Variants in RALGAPA1 observed in about 807,000 individuals in gnomAD.
The protein encoded by RALGAPA1 is ral GTPase-activating protein subunit alpha-1.
In RALGAPA1, 52 loss-of-function variants were observed where a neutral mutation model predicts 269.6. The ratio of observed to expected loss-of-function variants is 0.19; its 90% CI spans 0.15 to 0.24. RALGAPA1 has a LOEUF of 0.24. Among genes scored for constraint, RALGAPA1 ranks in the 10% least tolerant of loss-of-function variants. The pLI is 1.00. For synonymous variants in RALGAPA1, 817 were observed against 1,008.3 expected, an observed-to-expected ratio of 0.81 and a Z score of 3.60; for missense variants, 1,917 against 3,013.9, an observed-to-expected ratio of 0.64 and a Z score of 8.52.
intron 11 of RALGAPA1, among the ~76,000 whole-genome samples, chr14:35,741,951 A>G (rs2071591213): frequency 6.6e-6 from 1 of 152,232 alleles, no homozygotes; most frequent in South Asian, 2.1e-4. Context: ...GAGGGGGCAC[A>G]AACACTGTAG....
chr14:35,799,470 G>A (rs191516709), intron 1 of RALGAPA1, among the ~76,000 whole-genome samples: 739 of 151,712 alleles, frequency 4.9e-3, no homozygotes, highest in African/African-American at 0.016. Flanking sequence ...GCTGAGGCAG[G>A]AGAATCGCTC....
chr14:35,684,792 A>AC, intron 20 of RALGAPA1, 137 bp downstream of exon 20: 2 of 696,292 alleles, frequency 2.9e-6, no homozygotes, highest in South Asian at 2.4e-5. Flanking sequence ...CAAATATCTA[A>AC]TTTTTTTTTT....
At position 35,775,753 on chromosome 14, in the gene RALGAPA1, A is replaced by T. The variant is rs759916597; in HGVS notation, c.107-8T>A. ...CAATAGATTCTGCATTCTCTGAAAA[A>T]TAAAAAAAAATTACTGATTATTTAC... is the stretch of plus-strand genomic sequence containing the variant. On this transcript the variant is annotated splice_polypyrimidine_tract_variant and splice_region_variant and intron_variant, in intron 1 of 41. Transcript: ENST00000680220. The T allele has an allele frequency of 6.5e-7, 1 of 1,531,668 alleles. No homozygotes were observed. The highest frequency in any genetic ancestry group is 8.7e-7 in the Non-Finnish European group (1 of 1,148,064). The allele number at this position is 1,531,668 out of a possible 1,614,324, so 94.9% of individuals were successfully genotyped here. A position where few individuals can be genotyped will look rare whatever the true frequency, so the allele number is the denominator to read the frequency against.
chr14:35,785,251 T>C (rs1447426184), intron 1 of RALGAPA1, among the ~76,000 whole-genome samples: 1 of 152,186 alleles, frequency 6.6e-6, no homozygotes, highest in African/African-American at 2.4e-5. Context: ...ACAATGCAAA[T>C]ACTTTAAATT....
In RALGAPA1 at chr14:35,630,293, GTT is replaced by G. The variant is rs201991217; in HGVS notation, c.5996-2344_5996-2343del. On this transcript the variant is annotated intron_variant, in intron 33 of 41. Coordinates refer to ENST00000680220, the MANE Select transcript of RALGAPA1 (RefSeq NM_001346249.2). ...TAAACATTTCTTAGCTTATTTACTG[GTT>G]TTTTTTTTTTGGGACAGAGTCTTGC... Among the ~76,000 whole-genome samples the G allele has an allele frequency of 1.4e-4, 21 of 145,062 alleles. No individual in the cohort carries two copies. The South Asian group carries it at 4.3e-3, about 30-fold the overall frequency.
At chr14:35,557,416 G>A (rs1220290804) in intron 39 of RALGAPA1, among the ~76,000 whole-genome samples, 1 of 151,564 alleles carries the variant, frequency 6.6e-6, no homozygotes, top group Admixed American at 6.6e-5. Context: ...TATAATTATT[G>A]GGAATACAAA....
chr14:35,612,743 T>G (rs2060032180), intron 35 of RALGAPA1, among the ~76,000 whole-genome samples: 1 of 152,104 alleles, frequency 6.6e-6, no homozygotes, highest in African/African-American at 2.4e-5. Flanking sequence ...TTTCACCATG[T>G]TAGCCAGGAT....
At chr14:35,605,747 A>G in intron 35 of RALGAPA1, 38 bp from the exon 36 acceptor site, 2 of 1,589,288 alleles carry the variant, frequency 1.3e-6, no homozygotes, top group Non-Finnish European at 1.7e-6. Flanking sequence ...TTTAATCACT[A>G]TTTTATCTAC....
chr14:35,740,490 C>T lies in RALGAPA1; in HGVS notation c.1450-1840G>A, dbSNP rs115788641. ...TATTCTGTATGTCTTTCAAATGTCT[C>T]ACAGATGCTATGAGAATTTTAAAAG... On this transcript the variant is annotated intron_variant, in intron 11 of 41. Transcript: ENST00000680220. Among the ~76,000 whole-genome samples the T allele has an allele frequency of 4.8e-3, 732 of 152,302 alleles. 7 individuals carry two copies. Among genetic ancestry groups the T allele is most frequent in the African/African-American group, 0.016 (678 of 41,546 alleles).
chr14:35,808,715 C>G lies in RALGAPA1; in HGVS notation c.106+15G>C. ...GGCAACCCAGGCCTCGGCGCTGCCA[C>G]CCCTCGCTCCTCACCGATGACGATG... On this transcript the variant is annotated intron_variant, in intron 1 of 41. Transcript: ENST00000680220. 1 of 1,607,246 alleles carries G rather than the reference C, an allele frequency of 6.2e-7. No individual in the cohort carries two copies.
chr14:35,647,838 C>T (rs1302102490), intron 31 of RALGAPA1, among the ~76,000 whole-genome samples: 1 of 151,980 alleles, frequency 6.6e-6, no homozygotes, highest in Admixed American at 6.6e-5. Context: ...GCCCCAGCTA[C>T]TAGGGAGGCT....
At chr14:35,623,830 A>C (rs2060804563) in intron 35 of RALGAPA1, among the ~76,000 whole-genome samples, 1 of 152,238 alleles carries the variant, frequency 6.6e-6, no homozygotes, top group African/African-American at 2.4e-5. Flanking sequence ...CTGTAATCCC[A>C]GCACTTTGGG....
At chr14:35,587,419 C>T (rs937381116) in intron 37 of RALGAPA1, among the ~76,000 whole-genome samples, 23 of 152,126 alleles carry the variant, frequency 1.5e-4, no homozygotes, top group Non-Finnish European at 2.9e-4. Flanking sequence ...CACATGCATA[C>T]GTATGTCTAC....
At chr14:35,593,602 C>T (rs949876237) in intron 37 of RALGAPA1, among the ~76,000 whole-genome samples, 2 of 152,092 alleles carry the variant, frequency 1.3e-5, no homozygotes, top group Admixed American at 6.6e-5. Context: ...CAGTGGCTTA[C>T]ACCTATAATC....
At chr14:35,580,681 A>C (rs910269483) in intron 37 of RALGAPA1, among the ~76,000 whole-genome samples, 3 of 152,194 alleles carry the variant, frequency 2.0e-5, no homozygotes, top group African/African-American at 7.2e-5. Context: ...GAGAAAATAA[A>C]ATGTTTGAAA....
rs371586641 is a variant in RALGAPA1 at position 35,770,949 on chromosome 14, A to G, written c.318T>C (p.His106=). The change falls in exon 4 of 42, where the codon CAT becomes CAC. Residue 106 remains histidine (H), a synonymous_variant. Coordinates refer to ENST00000680220, the MANE Select transcript of RALGAPA1 (RefSeq NM_001346249.2). ...CATATTTGAATTACTTACCAATACT[A>G]TGAAACTGCCATCGCTGATGAATTC... ...PERIHQRWQF[H]SIGLILKKLL... 3 of 1,351,878 alleles carry G rather than the reference A, an allele frequency of 2.2e-6. No individual in the cohort carries two copies. The highest frequency in any genetic ancestry group is 3.1e-6 in the Non-Finnish European group (3 of 972,378). The allele number at this position is 1,351,878 out of a possible 1,614,324, so 83.7% of individuals were successfully genotyped here. A position where few individuals can be genotyped will look rare whatever the true frequency, so the allele number is the denominator to read the frequency against.
intron 35 of RALGAPA1, among the ~76,000 whole-genome samples, chr14:35,613,016 C>G (rs527257018): frequency 4.5e-4 from 69 of 151,726 alleles, no homozygotes; most frequent in Non-Finnish European, 7.8e-4. Flanking sequence ...GAACTTGTAT[C>G]TAGAACATAC....
At chr14:35,804,731 T>C (rs914733733) in intron 1 of RALGAPA1, among the ~76,000 whole-genome samples, 14 of 151,370 alleles carry the variant, frequency 9.2e-5, no homozygotes, top group Admixed American at 7.3e-4. Context: ...TCCAGGAGCT[T>C]GCAACCAGCC....
chr14:35,799,556 G>A (rs1224307311), intron 1 of RALGAPA1, among the ~76,000 whole-genome samples: 9 of 145,634 alleles, frequency 6.2e-5, no homozygotes, highest in East Asian at 2.0e-4. Flanking sequence ...AGCGAGACTC[G>A]GTCCCAGAAA....
Sources: gnomAD v4.1 joint callset for allele counts (sites outside exome capture counted in the v4.1 genomes callset) on GRCh38, gnomAD v4.1.1 for gene constraint, MANE v1.5 for transcripts, NCBI Gene and HGNC (gene_info 2026-07-23, HGNC 2026-07-21) for gene names.